Variants in EPHA6 observed in about 807,000 individuals in gnomAD.
EPHA6 encodes EPH receptor A6.
Under a neutral mutation model 112.0 loss-of-function variants are expected in EPHA6, and 50 were observed. The observed-to-expected ratio is 0.45, with a 90% CI of 0.36 to 0.56. The LOEUF is 0.56. EPHA6 is among the 20% of genes least tolerant of loss of function. The probability of loss-of-function intolerance (pLI) is 0.00; values close to 1 mark genes in which losing one functional copy is unlikely to be tolerated. For missense variants in EPHA6, 1,280 were observed against 1,417.4 expected, an observed-to-expected ratio of 0.90 and a Z score of 1.56; for synonymous variants, 529 against 490.7, an observed-to-expected ratio of 1.08 and a Z score of -1.03.
chr3:97,201,353 G>T (rs1158007668), intron 3 of EPHA6, among the ~76,000 whole-genome samples: 1 of 151,962 alleles, frequency 6.6e-6, no homozygotes, highest in Non-Finnish European at 1.5e-5. Flanking sequence ...GTTTTTGTTT[G>T]TTTCTTCAAT....
chr3:97,174,700 G>T (rs1420299603), intron 3 of EPHA6, among the ~76,000 whole-genome samples: 1 of 151,748 alleles, frequency 6.6e-6, no homozygotes, highest in Non-Finnish European at 1.5e-5. Context: ...TGTCCTCTAA[G>T]AAATGTCTAT....
chr3:97,026,622 T>C (rs2036896865), intron 3 of EPHA6, among the ~76,000 whole-genome samples: 1 of 152,104 alleles, frequency 6.6e-6, no homozygotes, highest in African/African-American at 2.4e-5. Context: ...CATAAAAAAT[T>C]AGGCAAAGGA....
intron 5 of EPHA6, among the ~76,000 whole-genome samples, chr3:97,294,204 G>A (rs1249987915): frequency 6.6e-6 from 1 of 152,182 alleles, no homozygotes; most frequent in Admixed American, 6.5e-5. Flanking sequence ...AATTCATAGT[G>A]GGCAGGGCTC....
intron 2 of EPHA6, among the ~76,000 whole-genome samples, chr3:96,874,670 T>C (rs1221928217): frequency 6.6e-6 from 1 of 152,074 alleles, no homozygotes; most frequent in African/African-American, 2.4e-5. Flanking sequence ...GATGGACACA[T>C]AATCTAAAGA....
intron 5 of EPHA6, among the ~76,000 whole-genome samples, chr3:97,302,182 A>C (rs1274634702): frequency 6.6e-6 from 1 of 152,066 alleles, no homozygotes; most frequent in African/African-American, 2.4e-5. Context: ...TTTCAGAATA[A>C]GGGCTATTGA....
intron 3 of EPHA6, among the ~76,000 whole-genome samples, chr3:97,140,872 A>T (rs1175012931): frequency 6.6e-6 from 1 of 152,138 alleles, no homozygotes; most frequent in Non-Finnish European, 1.5e-5. Flanking sequence ...CACTTAAAAC[A>T]TATAGACTGG....
chr3:96,893,066 C>T (rs1339666902), intron 2 of EPHA6, among the ~76,000 whole-genome samples: 1 of 151,734 alleles, frequency 6.6e-6, no homozygotes, highest in African/African-American at 2.4e-5. Flanking sequence ...TATAATCGAG[C>T]TGAAAAATTC....
intron 3 of EPHA6, among the ~76,000 whole-genome samples, chr3:97,045,571 G>C (rs565709916): frequency 6.6e-6 from 1 of 151,854 alleles, no homozygotes; most frequent in East Asian, 1.9e-4. Flanking sequence ...TAAAAAGAAA[G>C]CTAGTTAAAT....
intron 3 of EPHA6, among the ~76,000 whole-genome samples, chr3:97,180,935 GGACTCACC>G (rs1167927311): frequency 7.3e-5 from 11 of 151,520 alleles, no homozygotes; most frequent in African/African-American, 2.7e-4. Flanking sequence ...TTCAGCACTA[GGACTCACC>G]TAAGAGTTGT....
At chr3:97,551,982 A>T (rs930522122) in intron 11 of EPHA6, among the ~76,000 whole-genome samples, 7 of 152,192 alleles carry the variant, frequency 4.6e-5, no homozygotes, top group African/African-American at 1.2e-4. Context: ...CTAAAAGAGG[A>T]TATATAATTA....
At chr3:97,051,565 C>G (rs946921562) in intron 3 of EPHA6, among the ~76,000 whole-genome samples, 25 of 152,072 alleles carry the variant, frequency 1.6e-4, no homozygotes, top group Non-Finnish European at 3.4e-4. Context: ...TGACTTGATT[C>G]AGTCCACATC....
intron 3 of EPHA6, among the ~76,000 whole-genome samples, chr3:97,140,013 A>G (rs1448737920): frequency 2.0e-5 from 3 of 152,078 alleles, no homozygotes; most frequent in African/African-American, 7.2e-5. Flanking sequence ...AAAAAAAGAG[A>G]GTGTCTGGAA....
chr3:96,931,018 A>AAAGAAAGAAAAAAAAAAAAAAG (rs1553733277), intron 2 of EPHA6, among the ~76,000 whole-genome samples: 7 of 84,562 alleles, frequency 8.3e-5, no homozygotes, highest in African/African-American at 3.0e-4. Context: ...AAAAAAAAAA[A>AAAGAAAGAAAAAAAAAAAAAAG]AAAGAAAAGC....
intron 14 of EPHA6, among the ~76,000 whole-genome samples, chr3:97,653,220 C>T (rs1355819805): frequency 6.6e-6 from 1 of 151,866 alleles, no homozygotes; most frequent in Non-Finnish European, 1.5e-5. Flanking sequence ...AAATGAAAAA[C>T]AACCTACAGA....
At position 97,532,435 on chromosome 3, in the gene EPHA6, A is replaced by G; in HGVS notation, c.2278A>G (p.Lys760Glu). The G allele has an allele frequency of 6.2e-7, 1 of 1,612,650 alleles. No homozygotes were observed. The highest frequency in any genetic ancestry group is 8.5e-7 in the Non-Finnish European group (1 of 1,178,972). The change falls in exon 11 of 18, where the codon AAA (lysine) becomes GAA (glutamate). Residue 760 changes from lysine (K) to glutamate (E), a missense_variant. Around this residue, in one of 4 missense-constraint regions of EPHA6, gnomAD observed 878 missense variants for 999.7 expected, o/e 0.88. Coordinates refer to ENST00000389672, the MANE Select transcript of EPHA6 (RefSeq NM_001080448.3). ...REIPVAIKTLKGGHMDRQRRD... is the reference protein window; with the variant it reads ...REIPVAIKTLEGGHMDRQRRD... ...GATCCCAGTTGCCATTAAAACTTTG[A>G]AAGGTGGCCACATGGATCGGCAAAG...
chr3:97,489,501 C>T (rs946673986), intron 10 of EPHA6, among the ~76,000 whole-genome samples: 6 of 151,944 alleles, frequency 3.9e-5, no homozygotes, highest in African/African-American at 1.2e-4. Flanking sequence ...TTGGCTAACA[C>T]GGTGAAACCC....
intron 11 of EPHA6, among the ~76,000 whole-genome samples, chr3:97,542,591 A>G (rs2092877256): frequency 6.6e-6 from 1 of 152,150 alleles, no homozygotes; most frequent in Admixed American, 6.5e-5. Flanking sequence ...ATGATTTATA[A>G]TCCTTTGGGT....
chr3:96,980,716 G>T (rs924715130), intron 2 of EPHA6, among the ~76,000 whole-genome samples: 22 of 150,822 alleles, frequency 1.5e-4, no homozygotes, highest in African/African-American at 5.3e-4. Context: ...TTTGTATCCT[G>T]TTATTTCATT....
In EPHA6 at chr3:97,233,537, A is replaced by G. The variant is rs2078595237; in HGVS notation, c.1270+7118A>G. 1.3e-5 allele frequency among the ~76,000 whole-genome samples: 2 copies of G among 152,146 alleles called. 1 individual carries two copies. Among genetic ancestry groups the G allele is most frequent in the South Asian group, 4.1e-4 (2 of 4,828 alleles). ...TTTTTCATTAACCACAAACAGTAGC[A>G]ATATTTTAATAGATATGCATTCTCT... On this transcript the variant is annotated intron_variant, in intron 4 of 17. Coordinates refer to ENST00000389672, the MANE Select transcript of EPHA6 (RefSeq NM_001080448.3).
Sources: gnomAD v4.1 joint callset for allele counts (sites outside exome capture counted in the v4.1 genomes callset) on GRCh38, gnomAD v4.1.1 for gene constraint, gnomAD v4.1.1 regional missense constraint, MANE v1.5 for transcripts, NCBI Gene and HGNC (gene_info 2026-07-23, HGNC 2026-07-21) for gene names.